Variants in TOX observed in about 807,000 individuals in gnomAD.
The protein encoded by TOX is thymocyte selection-associated high mobility group box protein TOX.
In TOX, 11 loss-of-function variants were observed where a neutral mutation model predicts 53.7. The observed-to-expected ratio is 0.20, with a 90% confidence interval of 0.13 to 0.34. The LOEUF (loss-of-function observed/expected upper bound fraction) is 0.34, where lower values mean the gene tolerates loss of function less well. TOX is among the 10% of genes least tolerant of loss of function. The pLI is 1.00. For missense variants in TOX, 570 were observed against 664.6 expected, an observed-to-expected ratio of 0.86 and a Z score of 1.56; for synonymous variants, 225 against 245.3, an observed-to-expected ratio of 0.92 and a Z score of 0.77.
At chr8:59,089,519 C>T (rs57021157) in intron 1 of TOX, among the ~76,000 whole-genome samples, 2,473 of 152,256 alleles carry the variant, frequency 0.016, 71 homozygotes, top group African/African-American at 0.056. Flanking sequence ...TAGGGAATTC[C>T]ATTCACTCCT....
At position 59,079,800 on chromosome 8, in the gene TOX, A is replaced by T. The variant is rs373751669; in HGVS notation, c.102+39086T>A. Among the ~76,000 whole-genome samples, 22 of 152,260 alleles carry T rather than the reference A, an allele frequency of 1.4e-4. No homozygotes were observed. The East Asian group carries it at 1.7e-3, about 12-fold the overall frequency. On this transcript the variant is annotated intron_variant, in intron 1 of 8. Transcript: ENST00000361421. ...AGCATCCTCCAGACCCAAGGATGGTAGATCCATTGGTAGCTCACACTCTGA... is the reference window on the plus strand; with the variant it reads ...AGCATCCTCCAGACCCAAGGATGGTTGATCCATTGGTAGCTCACACTCTGA...
chr8:59,036,456 C>T lies in TOX; in HGVS notation c.103-76448G>A, dbSNP rs1423501060. ...GTTATCTCTACTGTGTCTTATCCTG[C>T]ATTTTATTGAAAATTCTTTTGAATT... On this transcript the variant is annotated intron_variant, in intron 1 of 8. Coordinates refer to ENST00000361421, the MANE Select transcript of TOX (RefSeq NM_014729.3). Among the ~76,000 whole-genome samples, 4 of 152,166 alleles carry T rather than the reference C, an allele frequency of 2.6e-5. No individual in the cohort carries two copies. The East Asian group carries it at 7.7e-4, about 29-fold the overall frequency.
chr8:59,086,751 A>C (rs1804515803), intron 1 of TOX, among the ~76,000 whole-genome samples: 1 of 152,220 alleles, frequency 6.6e-6, no homozygotes, highest in Non-Finnish European at 1.5e-5. Context: ...GCTTCGTAAT[A>C]AATAATGTGC....
At chr8:59,106,088 T>A (rs1804894765) in intron 1 of TOX, among the ~76,000 whole-genome samples, 1 of 152,196 alleles carries the variant, frequency 6.6e-6, no homozygotes, top group Admixed American at 6.5e-5. Flanking sequence ...ATTCATATGT[T>A]TAATAATGTC....
intron 1 of TOX, among the ~76,000 whole-genome samples, chr8:59,025,167 G>A (rs779677649): frequency 1.6e-4 from 24 of 152,090 alleles, no homozygotes; most frequent in Non-Finnish European, 2.9e-4. Flanking sequence ...CACTCAGTAC[G>A]CATCTGCAAG....
intron 3 of TOX, among the ~76,000 whole-genome samples, chr8:58,874,332 A>G (rs1463738947): frequency 6.6e-6 from 1 of 152,004 alleles, no homozygotes; most frequent in Non-Finnish European, 1.5e-5. Flanking sequence ...ATTTTGTTTT[A>G]GGGAAGGAAA....
intron 2 of TOX, among the ~76,000 whole-genome samples, chr8:58,957,213 A>G (rs1274721248): frequency 2.0e-5 from 3 of 152,204 alleles, no homozygotes; most frequent in Non-Finnish European, 4.4e-5. Context: ...GCTGGTTCCA[A>G]TTCTAACCAC....
chr8:59,047,203 GTTTTTTTTTTTT>G (rs10551461), intron 1 of TOX, among the ~76,000 whole-genome samples: 9 of 44,674 alleles, frequency 2.0e-4, no homozygotes, highest in Admixed American at 6.9e-4. Context: ...ACCAAGAATT[GTTTTTTTTTTTT>G]TTTTTTTTTT....
chr8:59,074,581 TAAAA>T, intron 1 of TOX, among the ~76,000 whole-genome samples: 2 of 152,236 alleles, frequency 1.3e-5, no homozygotes, highest in South Asian at 4.1e-4. Context: ...AATATTGCGT[TAAAA>T]AAAGCACAAT....
intron 7 of TOX, among the ~76,000 whole-genome samples, chr8:58,811,263 T>C (rs1054069421): frequency 3.2e-4 from 48 of 152,340 alleles, no homozygotes; most frequent in African/African-American, 1.0e-3. Flanking sequence ...TAAACAAGAC[T>C]GAATATTTTG....
rs61657323 is a variant in TOX, at chr8:59,041,073, CGTGTGTGT to C, written c.102+77805_102+77812del. Among the ~76,000 whole-genome samples, 264 of 143,916 alleles carry C rather than the reference CGTGTGTGT, an allele frequency of 1.8e-3. 2 individuals are homozygous for C. Among genetic ancestry groups the C allele is most frequent in the South Asian group, 3.9e-3 (17 of 4,304 alleles). 94.4% of individuals were successfully genotyped at this position (143,916 alleles called of 152,430 possible). Reference sequence around the variant, plus strand: ...AGGAGGCACTTCATAAAAGGGACTCCGTGTGTGTGTGTGTGTGTGTGTGTGTGTGTGTG... The same window carrying C: ...AGGAGGCACTTCATAAAAGGGACTCCGTGTGTGTGTGTGTGTGTGTGTGTG... On this transcript the variant is annotated intron_variant, in intron 1 of 8. Coordinates refer to ENST00000361421, the MANE Select transcript of TOX (RefSeq NM_014729.3).
At chr8:59,096,792 C>T (rs1263341533) in intron 1 of TOX, among the ~76,000 whole-genome samples, 1 of 152,090 alleles carries the variant, frequency 6.6e-6, no homozygotes, top group Non-Finnish European at 1.5e-5. Flanking sequence ...GTGTTGCTGG[C>T]GTCCTCCCAT....
At chr8:59,057,599 A>C (rs1317088098) in intron 1 of TOX, among the ~76,000 whole-genome samples, 1 of 152,192 alleles carries the variant, frequency 6.6e-6, no homozygotes, top group Non-Finnish European at 1.5e-5. Context: ...GGTGAATAAA[A>C]AGTATATTCT....
chr8:58,926,808 G>C (rs1317076902), intron 3 of TOX, among the ~76,000 whole-genome samples: 5 of 152,184 alleles, frequency 3.3e-5, no homozygotes, highest in Admixed American at 6.5e-5. Flanking sequence ...CAGAACCCTT[G>C]TCTGTTGTAC....
chr8:59,061,355 G>GAA (rs1803981082), intron 1 of TOX, among the ~76,000 whole-genome samples: 2 of 152,156 alleles, frequency 1.3e-5, no homozygotes, highest in African/African-American at 4.8e-5. Flanking sequence ...GGCATTTGAT[G>GAA]AAAAGATTGT....
rs1346975906 is a variant in TOX, at chr8:59,117,215, G to A, written c.102+1671C>T. Among the ~76,000 whole-genome samples the A allele has an allele frequency of 6.6e-6, 1 of 152,200 alleles. No homozygotes were observed. Among genetic ancestry groups the A allele is most frequent in the African/African-American group, 2.4e-5 (1 of 41,450 alleles). On this transcript the variant is annotated intron_variant, in intron 1 of 8. Transcript: ENST00000361421. The surrounding 1 kb of genome is among the most constrained non-coding windows in gnomAD (Gnocchi z 4.6). Reference sequence around the variant, plus strand: ...ACTTTATTATTTTTTATTAGCAATAGTATTGGTGTCATAAGCAAAATAAAA... The same window carrying A: ...ACTTTATTATTTTTTATTAGCAATAATATTGGTGTCATAAGCAAAATAAAA...
At chr8:59,009,598 C>T (rs541233805) in intron 1 of TOX, among the ~76,000 whole-genome samples, 37 of 152,248 alleles carry the variant, frequency 2.4e-4, no homozygotes, top group African/African-American at 8.9e-4. Flanking sequence ...GTCTCGAACT[C>T]CTGACCTCAA....
intron 1 of TOX, among the ~76,000 whole-genome samples, chr8:59,045,794 A>G (rs1563428541): frequency 6.6e-6 from 1 of 152,202 alleles, no homozygotes; most frequent in East Asian, 1.9e-4. Flanking sequence ...GTAGAAGCTG[A>G]CTTTTATAGG....
At chr8:59,055,508 C>G (rs1803874281) in intron 1 of TOX, among the ~76,000 whole-genome samples, 1 of 152,074 alleles carries the variant, frequency 6.6e-6, no homozygotes, top group African/African-American at 2.4e-5. Flanking sequence ...GTGCAGCCAC[C>G]ATGGCTGACC....
Sources: gnomAD v4.1 joint callset for allele counts (sites outside exome capture counted in the v4.1 genomes callset) on GRCh38, gnomAD v4.1.1 for gene constraint, Gnocchi (gnomAD v3.1) non-coding constraint, MANE v1.5 for transcripts, NCBI Gene and HGNC (gene_info 2026-07-23, HGNC 2026-07-21) for gene names.